PRRG1: variants seen among roughly 807,000 people sequenced by gnomAD.
PRRG1 encodes the protein transmembrane gamma-carboxyglutamic acid protein 1.
Under a neutral mutation model 11.8 loss-of-function variants are expected in PRRG1, and 5 were observed. The ratio of observed to expected loss-of-function variants is 0.42; its 90% CI spans 0.22 to 0.89. The LOEUF (loss-of-function observed/expected upper bound fraction) is 0.89. PRRG1 is among the 40% of genes least tolerant of loss of function. The pLI is 0.28. For missense variants in PRRG1, 155 were observed against 166.1 expected, an observed-to-expected ratio of 0.93 and a Z score of 0.37; for synonymous variants, 66 against 60.4, an observed-to-expected ratio of 1.09 and a Z score of -0.43.
intron 1 of PRRG1, among the ~76,000 whole-genome samples, chrX:37,367,779 C>T (rs1012104742): frequency 8.0e-5 from 9 of 112,274 alleles, no homozygotes; most frequent in African/African-American, 2.3e-4. Context: ...AATGCTCTTG[C>T]GCTCTTCTTC....
intron 3 of PRRG1, among the ~76,000 whole-genome samples, chrX:37,426,330 G>T (rs1332937950): frequency 8.9e-6 from 1 of 112,137 alleles, no homozygotes; most frequent in East Asian, 2.8e-4. Context: ...CAGAGAAAGT[G>T]TGGAGGAAGC....
intron 3 of PRRG1, among the ~76,000 whole-genome samples, chrX:37,442,655 T>G (rs1332038092): frequency 9.0e-6 from 1 of 111,265 alleles, no homozygotes; most frequent in Non-Finnish European, 1.9e-5. Flanking sequence ...GTCTTCAACT[T>G]TTCATGAACA....
At chrX:37,428,377 TG>T (rs1932795104) in intron 3 of PRRG1, among the ~76,000 whole-genome samples, 1 of 111,739 alleles carries the variant, frequency 8.9e-6, no homozygotes, top group Non-Finnish European at 1.9e-5. Flanking sequence ...CTAGATACAA[TG>T]GGGGTACAGG....
intron 2 of PRRG1, among the ~76,000 whole-genome samples, chrX:37,422,169 G>A (rs1349648743): frequency 8.9e-6 from 1 of 111,821 alleles, no homozygotes; most frequent in Non-Finnish European, 1.9e-5. Context: ...GAGTTGGATA[G>A]CATATAAGAA....
chrX:37,380,132 C>T (rs1356362551), intron 1 of PRRG1, among the ~76,000 whole-genome samples: 1 of 110,962 alleles, frequency 9.0e-6, no homozygotes, highest in Admixed American at 9.5e-5. Flanking sequence ...ATGGTGTGAA[C>T]AAAGGCATGG....
chrX:37,386,230 A>AT (rs1931323213), intron 1 of PRRG1, among the ~76,000 whole-genome samples: 1 of 111,638 alleles, frequency 9.0e-6, no homozygotes, highest in Non-Finnish European at 1.9e-5. Flanking sequence ...CTGTTTTATA[A>AT]TTTTTTCTCT....
At position 37,455,138 on chromosome X, in the gene PRRG1, G is replaced by A. The variant is rs1298830112; in HGVS notation, c.*1517G>A. The A allele has an allele frequency of 2.7e-5, 3 of 111,317 alleles. No homozygotes were observed. Among genetic ancestry groups the A allele is most frequent in the African/African-American group, 9.8e-5 (3 of 30,581 alleles). The allele number at this position is 111,317 out of a possible 1,213,427, so 9.2% of individuals were successfully genotyped here. A position where few individuals can be genotyped will look rare whatever the true frequency, so the allele number is the denominator to read the frequency against. ...ACCAAAGGAAGGAGGAACACTGAGGGGAATCCTGAAGTAGGAGTCAGATGA... is the reference window on the plus strand; with the variant it reads ...ACCAAAGGAAGGAGGAACACTGAGGAGAATCCTGAAGTAGGAGTCAGATGA... On this transcript the variant is annotated 3_prime_UTR_variant, in exon 4 of 4. Coordinates refer to ENST00000378628, the MANE Select transcript of PRRG1 (RefSeq NM_001142395.2).
chrX:37,400,736 G>A (rs1472315343), intron 1 of PRRG1, among the ~76,000 whole-genome samples: 48 of 111,162 alleles, frequency 4.3e-4, no homozygotes, highest in African/African-American at 1.4e-3. Context: ...TAGACTGCTA[G>A]CAAGACTAAT....
chrX:37,440,357 G>T (rs188291853), intron 3 of PRRG1, among the ~76,000 whole-genome samples: 1 of 111,729 alleles, frequency 9.0e-6, no homozygotes, highest in African/African-American at 3.3e-5. Flanking sequence ...ATATAATTAG[G>T]CCGATTTGGG....
At chrX:37,450,992 T>TTTTTGTTTTGTTTTGTTTTG (rs560769877) in intron 3 of PRRG1, among the ~76,000 whole-genome samples, 7,816 of 106,444 alleles carry the variant, frequency 0.073, 394 homozygotes, top group African/African-American at 0.16. Context: ...ATTTTTGCTG[T>TTTTTGTTTTGTTTTGTTTTG]TTTTGTTTTG....
At chrX:37,444,960 C>T (rs1933048374) in intron 3 of PRRG1, among the ~76,000 whole-genome samples, 1 of 111,517 alleles carries the variant, frequency 9.0e-6, no homozygotes, top group South Asian at 3.8e-4. Context: ...CCTCCTATTT[C>T]CACCCTTAAC....
At chrX:37,371,875 G>T (rs781995456) in intron 1 of PRRG1, among the ~76,000 whole-genome samples, 1 of 113,057 alleles carries the variant, frequency 8.8e-6, no homozygotes, top group African/African-American at 3.2e-5. Context: ...AGTGTGAGCC[G>T]AGTGTAGCCT....
chrX:37,445,180 C>T (rs1389727366), intron 3 of PRRG1, among the ~76,000 whole-genome samples: 1 of 112,121 alleles, frequency 8.9e-6, no homozygotes, highest in Non-Finnish European at 1.9e-5. Context: ...GGCTCTCAAG[C>T]TTTGCTGCAC....
At position 37,368,724 on chromosome X, in the gene PRRG1, C is replaced by T. The variant is rs186057764; in HGVS notation, c.-42+19329C>T. On this transcript the variant is annotated intron_variant, in intron 1 of 3. Coordinates refer to ENST00000378628, the MANE Select transcript of PRRG1 (RefSeq NM_001142395.2). ...CTGTTTTTTTTTATTTTCTACATGC[C>T]TCTTCTGTTTTTTCTTCCTCTTTTC... Among the ~76,000 whole-genome samples the T allele has an allele frequency of 5.4e-5, 6 of 110,415 alleles. No homozygotes were observed. In the Admixed American group the frequency reaches 5.8e-4, roughly 11 times the overall value.
intron 3 of PRRG1, among the ~76,000 whole-genome samples, chrX:37,439,346 C>T (rs113162113): frequency 0.075 from 8,415 of 112,189 alleles, 756 homozygotes; most frequent in African/African-American, 0.26. Flanking sequence ...TTCATTCCAT[C>T]CCATTGTTGA....
intron 3 of PRRG1, among the ~76,000 whole-genome samples, chrX:37,427,095 G>A (rs1156328269): frequency 3.6e-5 from 4 of 111,522 alleles, no homozygotes; most frequent in Non-Finnish European, 7.5e-5. Context: ...TAAACAAAAC[G>A]TGGTTTTTGA....
chrX:37,400,061 T>A (rs1931905117), intron 1 of PRRG1, among the ~76,000 whole-genome samples: 1 of 111,096 alleles, frequency 9.0e-6, no homozygotes, highest in Admixed American at 9.5e-5. Flanking sequence ...CTATCAACAT[T>A]AGACAGATCA....
intron 3 of PRRG1, among the ~76,000 whole-genome samples, chrX:37,430,038 C>A (rs1029164440): frequency 8.9e-6 from 1 of 112,060 alleles, no homozygotes. Context: ...CCTCCCACAG[C>A]ACGTGGGAAT....
chrX:37,377,825 TCAGTAATGTACG>T (rs1327009874), intron 1 of PRRG1, among the ~76,000 whole-genome samples: 5 of 111,844 alleles, frequency 4.5e-5, no homozygotes, highest in Non-Finnish European at 9.4e-5. Context: ...CTCCATTTAC[TCAGTAATGTACG>T]CAGACTGGGA....
Sources: allele counts gnomAD v4.1 joint callset (sites outside exome capture counted in the v4.1 genomes callset), GRCh38; gene constraint gnomAD v4.1.1; transcripts MANE v1.5; gene names NCBI Gene and HGNC (gene_info 2026-07-23, HGNC 2026-07-21).